The following LMNTD1 variants were observed in gnomAD, a reference collection of about 807,000 sequenced individuals.
LMNTD1 encodes lamin tail domain containing 1.
Under a neutral mutation model 50.9 loss-of-function variants are expected in LMNTD1, and 35 were observed. That is an observed-to-expected ratio of 0.69 (90% CI 0.53 to 0.91). The LOEUF is 0.91. LMNTD1 is among the 40% of genes least tolerant of loss of function. The probability of loss-of-function intolerance (pLI) is 0.00; values close to 1 mark genes in which losing one functional copy is unlikely to be tolerated. For missense variants in LMNTD1, 470 were observed against 475.5 expected (o/e 0.99, Z 0.11); for synonymous variants, 153 against 161.9 (o/e 0.94, Z 0.42).
At chr12:25,600,638 G>C (rs1297107418) in intron 1 of LMNTD1, among the ~76,000 whole-genome samples, 1 of 152,024 alleles carries the variant, frequency 6.6e-6, no homozygotes, top group Non-Finnish European at 1.5e-5. Flanking sequence ...ATGGGCAAAA[G>C]ATTTGAATAG....
intron 1 of LMNTD1, among the ~76,000 whole-genome samples, chr12:25,636,391 TC>T (rs1398465316): frequency 2.6e-5 from 4 of 151,988 alleles, no homozygotes; most frequent in African/African-American, 9.7e-5. Context: ...ATGCTCAACA[TC>T]AGTAATGAAC....
Position 25,615,796 on chromosome 12 carries a change from G to A in LMNTD1, c.58+32698C>T, listed in dbSNP as rs1044494931. On this transcript the variant is annotated intron_variant, in intron 1 of 7. Transcript: ENST00000445693. Reference sequence around the variant, plus strand: ...AATTATTTCTTAATAATTAGAACTTGAGTTGTCATAACAAAATATTAACAG... The same window carrying A: ...AATTATTTCTTAATAATTAGAACTTAAGTTGTCATAACAAAATATTAACAG... 5.9e-5 allele frequency among the ~76,000 whole-genome samples: 9 copies of A among 152,130 alleles called. 1 individual carries two copies. Among genetic ancestry groups the A allele is most frequent in the Non-Finnish European group, 1.3e-4 (9 of 68,014 alleles).
At chr12:25,496,319 T>A (rs1397894067) in intron 9 of LMNTD1, among the ~76,000 whole-genome samples, 1 of 152,204 alleles carries the variant, frequency 6.6e-6, no homozygotes, top group Non-Finnish European at 1.5e-5. Flanking sequence ...GAAGAAATTT[T>A]AAACCATGAA....
In LMNTD1 at chr12:25,519,981, G is replaced by T. The variant is rs779547115; in HGVS notation, c.893C>A (p.Thr298Lys). The change falls in exon 7 of 10, where the codon ACA becomes AAA. Residue 298 changes from threonine to lysine, a missense_variant. Coordinates refer to ENST00000458174, the MANE Select transcript of LMNTD1 (RefSeq NM_001145728.2). ...EFNRCSVVSP[T>K]FRKRVFQWTA... ...CCACTGAAACACACGCTTTCGGAAT[G>T]TTGGAGATACTACTGAACATCTGTT... 6.2e-7 allele frequency: 1 copy of T among 1,613,440 alleles called. No individual in the cohort carries two copies. The highest frequency in any genetic ancestry group is 8.5e-7 in the Non-Finnish European group (1 of 1,179,688).
intron 9 of LMNTD1, among the ~76,000 whole-genome samples, chr12:25,487,460 T>A (rs1938692473): frequency 7.2e-6 from 1 of 138,618 alleles, no homozygotes; most frequent in Non-Finnish European, 1.5e-5. Context: ...TTGCAACCCC[T>A]GCCTTTTTTT....
intron 4 of LMNTD1, among the ~76,000 whole-genome samples, chr12:25,533,894 T>A (rs1030889455): frequency 5.9e-5 from 9 of 152,244 alleles, no homozygotes; most frequent in Non-Finnish European, 1.3e-4. Context: ...ACCATTCGTG[T>A]GTTTATCATG....
chr12:25,533,219 A>G (rs1942343448), intron 4 of LMNTD1, among the ~76,000 whole-genome samples: 1 of 152,184 alleles, frequency 6.6e-6, no homozygotes, highest in Non-Finnish European at 1.5e-5. Context: ...GCTGTCACAC[A>G]GCCTTTAGTA....
chr12:25,554,193 G>A (rs939170618), upstream of LMNTD1, among the ~76,000 whole-genome samples: 14 of 152,068 alleles, frequency 9.2e-5, no homozygotes, highest in African/African-American at 2.7e-4. Flanking sequence ...TTTTACTTAC[G>A]CTTAGTAAAG....
intron 4 of LMNTD1, among the ~76,000 whole-genome samples, chr12:25,543,648 G>C (rs1419250044): frequency 1.4e-5 from 2 of 140,558 alleles, no homozygotes; most frequent in Admixed American, 7.1e-5. Flanking sequence ...TTTTTTTCTT[G>C]CTTTCCTAGT....
intron 1 of LMNTD1, among the ~76,000 whole-genome samples, chr12:25,627,900 GA>G (rs1189972888): frequency 6.6e-6 from 1 of 151,632 alleles, no homozygotes; most frequent in Non-Finnish European, 1.5e-5. Context: ...ACGAGGTCAG[GA>G]GATCGAGACC....
intron 3 of LMNTD1, 44 bp downstream of exon 3, chr12:25,549,282 G>A (rs1943614957): frequency 1.8e-6 from 2 of 1,085,576 alleles, no homozygotes; most frequent in Non-Finnish European, 2.7e-6. Context: ...TGAAATATAA[G>A]CTTTAAAAGT....
intron 4 of LMNTD1, among the ~76,000 whole-genome samples, chr12:25,543,105 T>C (rs1001933205): frequency 6.6e-6 from 1 of 152,000 alleles, no homozygotes; most frequent in Non-Finnish European, 1.5e-5. Flanking sequence ...TAGCCTAATA[T>C]CTATTTAAAA....
chr12:25,625,217 C>T (rs1331629997), intron 1 of LMNTD1, among the ~76,000 whole-genome samples: 1 of 152,128 alleles, frequency 6.6e-6, no homozygotes, highest in Non-Finnish European at 1.5e-5. Context: ...TTCACACGAC[C>T]CTTCAAAACT....
In LMNTD1 at chr12:25,498,873, G is replaced by T. The variant is rs954103774; in HGVS notation, c.*22+4865C>A. 2.8e-4 allele frequency among the ~76,000 whole-genome samples: 42 copies of T among 152,074 alleles called. 1 individual carries two copies. Among genetic ancestry groups the T allele is most frequent in the Non-Finnish European group, 5.6e-4 (38 of 67,992 alleles). On this transcript the variant is annotated intron_variant, in intron 9 of 9. Transcript: ENST00000458174. ...GGCATCTTCATTTTCTCTAGACTTG[G>T]ATATTATTGTCCTGAGCAAAAAAAT... is the stretch of plus-strand genomic sequence containing the variant.
intron 1 of LMNTD1, among the ~76,000 whole-genome samples, chr12:25,587,022 C>A (rs1261860496): frequency 1.3e-5 from 2 of 152,190 alleles, no homozygotes; most frequent in African/African-American, 4.8e-5. Context: ...CCATTGTAAG[C>A]TCTGGCTTTT....
intron 1 of LMNTD1, among the ~76,000 whole-genome samples, chr12:25,605,569 A>T (rs997313592): frequency 6.6e-6 from 1 of 152,202 alleles, no homozygotes; most frequent in Admixed American, 6.5e-5. Flanking sequence ...ATGGCCAGCC[A>T]GTTTTCCCAG....
intron 9 of LMNTD1, among the ~76,000 whole-genome samples, chr12:25,497,951 C>A (rs998567264): frequency 6.6e-6 from 1 of 152,066 alleles, no homozygotes; most frequent in Non-Finnish European, 1.5e-5. Context: ...TACTTTTAAT[C>A]TTTTAAAAGA....
intron 1 of LMNTD1, among the ~76,000 whole-genome samples, chr12:25,643,895 G>A (rs1592133183): frequency 6.6e-6 from 1 of 152,188 alleles, no homozygotes; most frequent in Admixed American, 6.5e-5. Flanking sequence ...TTATGGTCAG[G>A]AACTGGACAA....
intron 4 of LMNTD1, among the ~76,000 whole-genome samples, chr12:25,543,638 T>G (rs183564128): frequency 4.5e-4 from 69 of 152,054 alleles, no homozygotes; most frequent in Middle Eastern, 3.4e-3. Context: ...CAGTTTGTTT[T>G]TTTTTTCTTG....
Sources: allele counts gnomAD v4.1 joint callset (sites outside exome capture counted in the v4.1 genomes callset), GRCh38; gene constraint gnomAD v4.1.1; transcripts MANE v1.5; gene names NCBI Gene and HGNC (gene_info 2026-07-23, HGNC 2026-07-21).